Variants in GRIP1 observed in about 807,000 individuals in gnomAD.
GRIP1 encodes the protein glutamate receptor interacting protein 1.
Under a neutral mutation model 129.9 loss-of-function variants are expected in GRIP1, and 45 were observed. That is an observed-to-expected ratio of 0.35 (90% CI 0.27 to 0.44). The LOEUF is 0.44. Ranked by LOEUF, GRIP1 falls within the 20% of genes least tolerant of loss-of-function variation. GRIP1 has a pLI of 1.00. For missense variants in GRIP1, 1,196 were observed against 1,396.8 expected (o/e 0.86, Z 2.29); for synonymous variants, 530 against 520.8 (o/e 1.02, Z -0.24).
At chr12:66,703,149 T>C (rs747614305) in intron 1 of GRIP1, among the ~76,000 whole-genome samples, 2 of 152,078 alleles carry the variant, frequency 1.3e-5, no homozygotes, top group Non-Finnish European at 2.9e-5. Flanking sequence ...AGCAAAGATA[T>C]GGTGCCTTGA....
chr12:66,799,285 G>A (rs1334865708), intron 1 of GRIP1, among the ~76,000 whole-genome samples: 1 of 151,986 alleles, frequency 6.6e-6, no homozygotes, highest in Non-Finnish European at 1.5e-5. Flanking sequence ...TACTATAGAT[G>A]GAAAGCAATT....
chr12:66,607,940 G>C (rs1292514824), intron 1 of GRIP1, among the ~76,000 whole-genome samples: 3 of 152,052 alleles, frequency 2.0e-5, no homozygotes, highest in African/African-American at 7.2e-5. Flanking sequence ...CCAAATTTAA[G>C]CTCAAGTCCT....
intron 6 of GRIP1, among the ~76,000 whole-genome samples, chr12:66,517,151 C>T (rs2138943744): frequency 6.6e-6 from 1 of 152,194 alleles, no homozygotes; most frequent in East Asian, 1.9e-4. Context: ...CATTTTCCTC[C>T]TCCCCTTCAA....
intron 9 of GRIP1, among the ~76,000 whole-genome samples, chr12:66,461,715 A>G (rs1203080015): frequency 6.6e-6 from 1 of 152,184 alleles, no homozygotes; most frequent in Non-Finnish European, 1.5e-5. Context: ...TTAGTATGAA[A>G]ATTATCTGGT....
At chr12:66,475,585 A>C (rs1453409582) in intron 7 of GRIP1, among the ~76,000 whole-genome samples, 1 of 152,082 alleles carries the variant, frequency 6.6e-6, no homozygotes, top group African/African-American at 2.4e-5. Flanking sequence ...GAAGTAAAGC[A>C]CTCCTCAGCA....
At chr12:66,432,717 T>C (rs2058185714) in intron 13 of GRIP1, 89 bp from the exon 14 acceptor site, 2 of 750,444 alleles carry the variant, frequency 2.7e-6, no homozygotes, top group African/African-American at 1.8e-5. Flanking sequence ...ACTTGTATCA[T>C]AATCATATGT....
At chr12:66,674,721 T>C (rs778396543) in intron 1 of GRIP1, among the ~76,000 whole-genome samples, 3 of 152,152 alleles carry the variant, frequency 2.0e-5, no homozygotes, top group African/African-American at 7.2e-5. Context: ...GATTCCATGA[T>C]TGGGGTAAGT....
chr12:66,776,974 T>G (rs955550876), intron 1 of GRIP1, among the ~76,000 whole-genome samples: 13 of 152,210 alleles, frequency 8.5e-5, no homozygotes, highest in African/African-American at 3.1e-4. Flanking sequence ...CAAAGATATG[T>G]TGATTCCAGG....
At chr12:66,353,597 T>C in intron 23 of GRIP1, 34 bp from the exon 24 acceptor site, 2 of 1,604,638 alleles carry the variant, frequency 1.2e-6, no homozygotes, top group Non-Finnish European at 1.7e-6. Flanking sequence ...AATATTTAGC[T>C]GGGGTGGAGA....
At chr12:66,410,642 AAAAC>A (rs377000515) in intron 15 of GRIP1, among the ~76,000 whole-genome samples, 4,625 of 115,986 alleles carry the variant, frequency 0.04, 241 homozygotes, top group African/African-American at 0.11. Context: ...ACTCTGTCTC[AAAAC>A]AAACAAACAA....
chr12:66,969,643 T>C (rs548726875), intron 1 of GRIP1, among the ~76,000 whole-genome samples: 5 of 151,998 alleles, frequency 3.3e-5, no homozygotes, highest in Non-Finnish European at 4.4e-5. Flanking sequence ...TCTGGAACTC[T>C]TGGGCTCAAG....
intron 1 of GRIP1, among the ~76,000 whole-genome samples, chr12:66,754,325 A>C (rs983565823): frequency 6.6e-6 from 1 of 152,222 alleles, no homozygotes; most frequent in Non-Finnish European, 1.5e-5. Context: ...AAATTGAAAC[A>C]AAACCCATAC....
intron 1 of GRIP1, among the ~76,000 whole-genome samples, chr12:66,770,560 C>G (rs1394337678): frequency 6.6e-6 from 1 of 152,062 alleles, no homozygotes; most frequent in African/African-American, 2.4e-5. Flanking sequence ...TGGGTCAGCA[C>G]CTGGAGAAGC....
At chr12:66,616,824 T>A (rs191893012) in intron 1 of GRIP1, among the ~76,000 whole-genome samples, 169 of 152,186 alleles carry the variant, frequency 1.1e-3, no homozygotes, top group Admixed American at 1.9e-3. Flanking sequence ...CAAGTAGCTG[T>A]TTGAGATTCA....
At position 67,000,256 on chromosome 12, in the gene GRIP1, G is replaced by A. The variant is rs150853676; in HGVS notation, c.58+68794C>T. Among the ~76,000 whole-genome samples, 431 of 151,988 alleles carry A rather than the reference G, an allele frequency of 2.8e-3. 1 individual carries two copies. Among genetic ancestry groups the A allele is most frequent in the African/African-American group, 0.01 (415 of 41,440 alleles). On this transcript the variant is annotated intron_variant, in intron 1 of 1. Coordinates refer to the GRIP1 transcript ENST00000643019. ...ATACCACATGTGTTCAATCTAATAG[G>A]GCCATATCACATAATATCTAGGACC...
chr12:66,815,854 T>TTCTC (rs1555241803), intron 1 of GRIP1, among the ~76,000 whole-genome samples: 3,003 of 116,732 alleles, frequency 0.026, 83 homozygotes, highest in East Asian at 0.11. Context: ...CTTTCTTTCT[T>TTCTC]TCTCTCTCTC....
At chr12:66,539,326 A>T in intron 3 of GRIP1, 103 bp from the exon 4 acceptor site, 1 of 1,475,238 alleles carries the variant, frequency 6.8e-7, no homozygotes, top group Non-Finnish European at 9.4e-7. Context: ...GTGTAGAAGC[A>T]AGCCTAGAAG....
At chr12:66,632,462 G>A (rs181901187) in intron 1 of GRIP1, among the ~76,000 whole-genome samples, 1 of 152,152 alleles carries the variant, frequency 6.6e-6, no homozygotes, top group Non-Finnish European at 1.5e-5. Flanking sequence ...CTCTTCCCTG[G>A]ATGGTGCCAA....
intron 1 of GRIP1, among the ~76,000 whole-genome samples, chr12:66,649,346 T>A (rs1481592519): frequency 1.3e-5 from 2 of 152,204 alleles, no homozygotes; most frequent in Non-Finnish European, 2.9e-5. Flanking sequence ...GTATTTGTTA[T>A]CACCTTAGGC....
Sources: allele counts gnomAD v4.1 joint callset (sites outside exome capture counted in the v4.1 genomes callset), GRCh38; gene constraint gnomAD v4.1.1; transcripts MANE v1.5; gene names NCBI Gene and HGNC (gene_info 2026-07-23, HGNC 2026-07-21).